The following PDE2A variants were observed in gnomAD, a reference collection of about 807,000 sequenced individuals.
PDE2A encodes the protein cGMP-dependent 3',5'-cyclic phosphodiesterase.
In PDE2A, 53 loss-of-function variants were observed where a neutral mutation model predicts 133.6. The observed-to-expected ratio is 0.40, with a 90% CI of 0.32 to 0.50. PDE2A has a LOEUF of 0.50. Among genes scored for constraint, PDE2A ranks in the 20% least tolerant of loss-of-function variants. PDE2A has a pLI of 0.73. For missense variants in PDE2A, 796 were observed against 1,232.4 expected (o/e 0.65, Z 5.30); for synonymous variants, 491 against 490.2 (o/e 1.00, Z -0.02).
chr11:72,674,246 G>T lies in PDE2A; in HGVS notation c.-39C>A, dbSNP rs1855451733. ...CCGCCTCCCCAGCCAGACTAAGGTG[G>T]CACCTCGCCCTGTCCCCGCTGCCTG... On this transcript the variant is annotated 5_prime_UTR_variant, in exon 1 of 31. Transcript: ENST00000334456. 3 of 1,586,786 alleles carry T rather than the reference G, an allele frequency of 1.9e-6. No individual in the cohort carries two copies. The highest frequency in any genetic ancestry group is 1.3e-5 in the African/African-American group (1 of 74,340).
intron 13 of PDE2A, 25 bp downstream of exon 13, chr11:72,588,759 T>C: frequency 6.3e-7 from 1 of 1,575,192 alleles, no homozygotes; most frequent in Non-Finnish European, 8.7e-7. Context: ...CATCTCCTGA[T>C]CTGCATCATC....
At chr11:72,601,570 G>A (rs534560142) in intron 4 of PDE2A, among the ~76,000 whole-genome samples, 132 of 152,242 alleles carry the variant, frequency 8.7e-4, no homozygotes, top group African/African-American at 3.2e-3. Context: ...CAGCCAGCCT[G>A]GGCCGAGGTG....
intron 1 of PDE2A, chr11:72,652,450 G>A (rs1346274933): frequency 4.4e-6 from 2 of 452,812 alleles, no homozygotes; most frequent in East Asian, 1.4e-4. Context: ...TCCAGATATG[G>A]CCCCTGGTCC....
intron 1 of PDE2A, among the ~76,000 whole-genome samples, chr11:72,672,579 G>A (rs1158347051): frequency 1.1e-4 from 16 of 152,098 alleles, no homozygotes; most frequent in Non-Finnish European, 1.5e-5. Flanking sequence ...AAGCCTAAGA[G>A]TCCTGGATCT....
chr11:72,636,021 G>T, intron 2 of PDE2A: 1 of 1,263,184 alleles, frequency 7.9e-7, no homozygotes. Flanking sequence ...GTCTCCCAGT[G>T]GCAGCCCCCA....
At chr11:72,641,786 C>T (rs891842526) in intron 2 of PDE2A, among the ~76,000 whole-genome samples, 2 of 152,122 alleles carry the variant, frequency 1.3e-5, no homozygotes, top group Non-Finnish European at 2.9e-5. Context: ...GGAATCTGAG[C>T]GGGTGTCCAG....
At position 72,642,332 on chromosome 11, in the gene PDE2A, G is replaced by A. The variant is rs1371001773; in HGVS notation, c.72-6C>T. On this transcript the variant is annotated splice_polypyrimidine_tract_variant and splice_region_variant and intron_variant, in intron 1 of 30. Transcript: ENST00000334456. Reference sequence around the variant, plus strand: ...GGAAGACCTGCTGGCCCCGCCTGAGGAATTGGACAACAGCGATGAGGATGT... The same window carrying A: ...GGAAGACCTGCTGGCCCCGCCTGAGAAATTGGACAACAGCGATGAGGATGT... 6.5e-7 allele frequency: 1 copy of A among 1,538,592 alleles called. No homozygotes were observed. Among genetic ancestry groups the A allele is most frequent in the Non-Finnish European group, 8.7e-7 (1 of 1,145,360 alleles).
intron 1 of PDE2A, chr11:72,668,445 A>T (rs949403719): frequency 5.6e-6 from 4 of 715,194 alleles, no homozygotes; most frequent in Non-Finnish European, 7.8e-6. Flanking sequence ...ACATGTGAGA[A>T]GTCGTAATTA....
chr11:72,668,994 A>G, intron 1 of PDE2A: 3 of 999,658 alleles, frequency 3.0e-6, no homozygotes, highest in Non-Finnish European at 3.6e-6. Flanking sequence ...GGTGGTTCAT[A>G]ATGACAGTAG....
intron 3 of PDE2A, 85 bp downstream of exon 3, chr11:72,608,577 C>A: frequency 2.7e-6 from 2 of 729,882 alleles, no homozygotes. Flanking sequence ...TTCCTTCCTC[C>A]TTGGCCCTGA....
Position 72,590,372 on chromosome 11 carries a change from C to T in PDE2A, c.703+55G>A, listed in dbSNP as rs753311182. 1.3e-6 allele frequency: 2 copies of T among 1,554,944 alleles called. No homozygotes were observed. The highest frequency in any genetic ancestry group is 1.4e-5 in the African/African-American group (1 of 73,482). ...CGGGATCGCCTAACCCGCCCACCTC[C>T]CCTCCAAGTTCTGCCCGGCCCCGCC... is the stretch of plus-strand genomic sequence containing the variant. On this transcript the variant is annotated intron_variant, in intron 8 of 30. Coordinates refer to ENST00000334456, the MANE Select transcript of PDE2A (RefSeq NM_002599.5). This position sits in a 1 kb window ranked among gnomAD's most constrained non-coding sequence, Gnocchi z 4.8.
intron 18 of PDE2A, 103 bp from the exon 19 acceptor site, chr11:72,584,416 C>A (rs777855584): frequency 4.3e-5 from 54 of 1,258,680 alleles, no homozygotes; most frequent in Middle Eastern, 3.6e-4. Context: ...AGGTTACGTA[C>A]GTCCCAGGCA....
intron 2 of PDE2A, among the ~76,000 whole-genome samples, chr11:72,638,429 C>T (rs1391390319): frequency 6.6e-6 from 1 of 152,182 alleles, no homozygotes; most frequent in Non-Finnish European, 1.5e-5. Context: ...GAGACCCGGG[C>T]CCAGCCTCTG....
At chr11:72,630,888 C>A (rs1245205030) in intron 2 of PDE2A, among the ~76,000 whole-genome samples, 1 of 151,926 alleles carries the variant, frequency 6.6e-6, no homozygotes, top group East Asian at 1.9e-4. Flanking sequence ...GGGAGGACTT[C>A]CAGGCTGGGG....
chr11:72,645,162 T>C (rs905503156), intron 1 of PDE2A, among the ~76,000 whole-genome samples: 2 of 152,206 alleles, frequency 1.3e-5, no homozygotes, highest in Non-Finnish European at 2.9e-5. Flanking sequence ...TCTTTCTGTG[T>C]CAACCTTTCA....
chr11:72,630,810 G>A (rs1206271975), intron 2 of PDE2A, among the ~76,000 whole-genome samples: 1 of 152,048 alleles, frequency 6.6e-6, no homozygotes, highest in East Asian at 1.9e-4. Flanking sequence ...ATTGTTGGGT[G>A]AGGGTGGGGA....
chr11:72,592,195 C>T (rs140073144), intron 6 of PDE2A, among the ~76,000 whole-genome samples: 1 of 152,236 alleles, frequency 6.6e-6, no homozygotes, highest in Non-Finnish European at 1.5e-5. Flanking sequence ...GGGAGGGTGG[C>T]AGCCTAGGGA....
chr11:72,656,128 C>T (rs1199451690), intron 1 of PDE2A, among the ~76,000 whole-genome samples: 1 of 152,176 alleles, frequency 6.6e-6, no homozygotes, highest in Non-Finnish European at 1.5e-5. Context: ...CCATGCTGCA[C>T]AGTGGGGTGC....
chr11:72,606,860 C>T (rs1022706655), intron 3 of PDE2A, among the ~76,000 whole-genome samples: 2 of 152,186 alleles, frequency 1.3e-5, no homozygotes, highest in Non-Finnish European at 1.5e-5. Context: ...GTCTCCCACC[C>T]CCTTACTCTC....
Sources: gnomAD v4.1 joint callset for allele counts (sites outside exome capture counted in the v4.1 genomes callset) on GRCh38, gnomAD v4.1.1 for gene constraint, Gnocchi (gnomAD v3.1) non-coding constraint, MANE v1.5 for transcripts, NCBI Gene and HGNC (gene_info 2026-07-23, HGNC 2026-07-21) for gene names.